The following SPAG17 variants were observed in gnomAD, a reference collection of about 807,000 sequenced individuals.
SPAG17 encodes the protein sperm-associated antigen 17.
In SPAG17, 169 loss-of-function variants were observed where a neutral mutation model predicts 273.6. The observed-to-expected ratio is 0.62, with a 90% confidence interval of 0.55 to 0.70. The LOEUF (loss-of-function observed/expected upper bound fraction) is 0.70. Among genes scored for constraint, SPAG17 ranks in the 30% least tolerant of loss-of-function variants. The probability of loss-of-function intolerance (pLI) is 0.00; values close to 1 mark genes in which losing one functional copy is unlikely to be tolerated. For synonymous variants in SPAG17, 825 were observed against 873.2 expected (o/e 0.94, Z 0.97); for missense variants, 2,557 against 2,627.8 (o/e 0.97, Z 0.59).
At chr1:117,980,679 A>T (rs553498650) in intron 43 of SPAG17, among the ~76,000 whole-genome samples, 1 of 152,344 alleles carries the variant, frequency 6.6e-6, no homozygotes, top group African/African-American at 2.4e-5. Context: ...ACACAATGCA[A>T]ATTAGTCTCT....
At chr1:118,173,327 T>C (rs544355673) in intron 1 of SPAG17, among the ~76,000 whole-genome samples, 12 of 152,276 alleles carry the variant, frequency 7.9e-5, no homozygotes, top group Non-Finnish European at 1.3e-4. Context: ...AGCAGCCCAA[T>C]TCCTGATTCC....
intron 10 of SPAG17, among the ~76,000 whole-genome samples, chr1:118,089,054 G>T (rs567065755): frequency 6.6e-6 from 1 of 152,204 alleles, no homozygotes; most frequent in South Asian, 2.1e-4. Context: ...GTAGGAGGAC[G>T]GGGAAGGGAA....
chr1:118,043,416 T>C (rs747308924), intron 20 of SPAG17, among the ~76,000 whole-genome samples: 3 of 152,176 alleles, frequency 2.0e-5, no homozygotes, highest in Non-Finnish European at 2.9e-5. Context: ...ATGACCATCA[T>C]CTAAAAATTA....
rs145143080 is a variant in SPAG17 at position 118,168,820 on chromosome 1, G to A, written c.87+16251C>T. 5.2e-3 allele frequency among the ~76,000 whole-genome samples: 787 copies of A among 152,292 alleles called. 9 individuals carry two copies. The highest frequency in any genetic ancestry group is 0.017 in the African/African-American group (725 of 41,562). Reference sequence around the variant, plus strand: ...TTTCTTTCTCAAAGATACAGGAGAGGATTTTAATGAGAAAGAGTGAGATGG... The same window carrying A: ...TTTCTTTCTCAAAGATACAGGAGAGAATTTTAATGAGAAAGAGTGAGATGG... On this transcript the variant is annotated intron_variant, in intron 1 of 48. Transcript: ENST00000336338.
In SPAG17 at chr1:118,097,671, A is replaced by G. The variant is rs1570688704; in HGVS notation, c.1010T>C (p.Met337Thr). The change falls in exon 7 of 49, where the codon ATG becomes ACG. Residue 337 changes from methionine (M) to threonine (T), a missense_variant and splice_region_variant. Coordinates refer to ENST00000336338, the MANE Select transcript of SPAG17 (RefSeq NM_206996.4). ...FPSDWSDGEMMLKLGTDIFEN... is the reference protein window; with the variant it reads ...FPSDWSDGEMTLKLGTDIFEN... ...ACTCTCAGTAATGTGTGTACTAACCATCATCTCACCATCTGACCAGTCAGA... is the reference window on the plus strand; with the variant it reads ...ACTCTCAGTAATGTGTGTACTAACCGTCATCTCACCATCTGACCAGTCAGA... 2 of 1,593,538 alleles carry G rather than the reference A, an allele frequency of 1.3e-6. No homozygotes were observed. Among genetic ancestry groups the G allele is most frequent in the Middle Eastern group, 1.7e-4 (1 of 5,958 alleles).
rs575129320 is a variant in SPAG17, at chr1:118,018,881, T to A, written c.4070-2699A>T. Among the ~76,000 whole-genome samples, 3 of 151,848 alleles carry A rather than the reference T, an allele frequency of 2.0e-5. No homozygotes were observed. The East Asian group carries it at 5.8e-4, about 29-fold the overall frequency. On this transcript the variant is annotated intron_variant, in intron 28 of 48. Coordinates refer to ENST00000336338, the MANE Select transcript of SPAG17 (RefSeq NM_206996.4). ...AAAGACATTTTAAGAAAATATTTGGTATATAATAAACGGACTAAAACATCT... is the reference window on the plus strand; with the variant it reads ...AAAGACATTTTAAGAAAATATTTGGAATATAATAAACGGACTAAAACATCT...
At chr1:118,019,026 C>A (rs1289068310) in intron 28 of SPAG17, among the ~76,000 whole-genome samples, 2 of 107,128 alleles carry the variant, frequency 1.9e-5, no homozygotes, top group Admixed American at 1.1e-4. Flanking sequence ...AGAGTGAGAC[C>A]ATGTCTCAAA....
chr1:117,978,022 C>T (rs888855843), intron 43 of SPAG17, among the ~76,000 whole-genome samples: 5 of 152,174 alleles, frequency 3.3e-5, no homozygotes, highest in Non-Finnish European at 5.9e-5. Flanking sequence ...TTGCCAACCC[C>T]GATCATTTTA....
At chr1:118,032,999 T>C (rs1240754903) in intron 24 of SPAG17, among the ~76,000 whole-genome samples, 2 of 152,196 alleles carry the variant, frequency 1.3e-5, no homozygotes. Context: ...GGCCCCACCT[T>C]GACCTACTGA....
chr1:117,993,234 C>A (rs1657302475), intron 35 of SPAG17, among the ~76,000 whole-genome samples: 1 of 152,158 alleles, frequency 6.6e-6, no homozygotes, highest in South Asian at 2.1e-4. Flanking sequence ...CTACTATGTT[C>A]TCAGGTGTGC....
In SPAG17 at chr1:118,028,410, C is replaced by A. The variant is rs370538728; in HGVS notation, c.3610-16G>T. 1.9e-6 allele frequency: 3 copies of A among 1,611,102 alleles called. No homozygotes were observed. The highest frequency in any genetic ancestry group is 4.5e-5 in the East Asian group (2 of 44,876). ...CTTCTTCTTCCTGTAAATAATTCAG[C>A]ATGTGAATAATGGGCTGTCATTTTC... is the stretch of plus-strand genomic sequence containing the variant. On this transcript the variant is annotated splice_polypyrimidine_tract_variant and intron_variant, in intron 25 of 48. Transcript: ENST00000336338.
chr1:118,025,766 A>G (rs1476903090), intron 26 of SPAG17, among the ~76,000 whole-genome samples: 1 of 152,166 alleles, frequency 6.6e-6, no homozygotes, highest in Non-Finnish European at 1.5e-5. Flanking sequence ...TGCTGTGATT[A>G]CAGGTGTGAG....
In SPAG17 at chr1:118,062,366, C is replaced by CAAAAAAAAAAAAAA. The variant is rs56029752; in HGVS notation, c.2540+4365_2540+4378dup. 2.2e-3 allele frequency among the ~76,000 whole-genome samples: 101 copies of CAAAAAAAAAAAAAA among 46,376 alleles called. 7 individuals carry two copies. The highest frequency in any genetic ancestry group is 9.8e-3 in the African/African-American group (90 of 9,150). The allele number at this position is 46,376 out of a possible 152,430, so 30.4% of individuals were successfully genotyped here. A position where few individuals can be genotyped will look rare whatever the true frequency, so the allele number is the denominator to read the frequency against. On this transcript the variant is annotated intron_variant, in intron 18 of 48. Transcript: ENST00000336338. ...TGGGCGACAGAGCGAGACTCCATCT[C>CAAAAAAAAAAAAAA]AAAAAAAAAAAAAAAAAAAAATTAA... is the stretch of plus-strand genomic sequence containing the variant.
At chr1:118,085,416 T>C (rs1168694507) in intron 13 of SPAG17, among the ~76,000 whole-genome samples, 1 of 152,236 alleles carries the variant, frequency 6.6e-6, no homozygotes, top group Non-Finnish European at 1.5e-5. Context: ...GCAATGTTAC[T>C]GTAATTTTTA....
chr1:118,162,823 T>C (rs936072617), intron 1 of SPAG17, among the ~76,000 whole-genome samples: 1 of 152,212 alleles, frequency 6.6e-6, no homozygotes, highest in Non-Finnish European at 1.5e-5. Flanking sequence ...ATTTAGTTCA[T>C]TTATTTTAAT....
chr1:118,149,348 G>T (rs1223426111), intron 3 of SPAG17, among the ~76,000 whole-genome samples: 5 of 152,252 alleles, frequency 3.3e-5, no homozygotes, highest in Admixed American at 1.3e-4. Context: ...TATCATTTCT[G>T]ATTTTTACTG....
intron 43 of SPAG17, among the ~76,000 whole-genome samples, chr1:117,976,327 C>A (rs1655131537): frequency 6.6e-6 from 1 of 152,226 alleles, no homozygotes; most frequent in Non-Finnish European, 1.5e-5. Flanking sequence ...AATATTACTG[C>A]TGGACCTGAG....
chr1:118,114,269 AT>A (rs1336461543), intron 4 of SPAG17, among the ~76,000 whole-genome samples: 1 of 152,174 alleles, frequency 6.6e-6, no homozygotes, highest in Non-Finnish European at 1.5e-5. Flanking sequence ...TATGAATAGA[AT>A]TTTTCTAGGC....
Position 118,099,707 on chromosome 1 carries a change from G to C in SPAG17, c.728C>G (p.Pro243Arg), listed in dbSNP as rs761548600. ...AGATATTTTAATCACGCTGGTTATA[G>C]GAATGCCAAGCTCAGCCATAATTGC... ...LLAIMAELGI[P>R]ITSVIKISSE... Residue 243 changes from proline to arginine, a missense_variant, in exon 6 of 49, where the codon CCT becomes CGT. By Grantham distance (103) the Pro-to-Arg change is moderately radical. Transcript: ENST00000336338. 1 of 1,613,940 alleles carries C rather than the reference G, an allele frequency of 6.2e-7. No homozygotes were observed. Among genetic ancestry groups the C allele is most frequent in the East Asian group, 2.2e-5 (1 of 44,872 alleles).
Sources: gnomAD v4.1 joint callset for allele counts (sites outside exome capture counted in the v4.1 genomes callset) on GRCh38, gnomAD v4.1.1 for gene constraint, MANE v1.5 for transcripts, NCBI Gene and HGNC (gene_info 2026-07-23, HGNC 2026-07-21) for gene names.